CTNNBL1: variants seen among roughly 807,000 people sequenced by gnomAD.
The protein encoded by CTNNBL1 is catenin beta like 1.
CTNNBL1 carries 31 observed loss-of-function variants against 72.7 expected under a neutral mutation model. The ratio of observed to expected loss-of-function variants is 0.43; its 90% CI spans 0.32 to 0.58. CTNNBL1 has a LOEUF of 0.58. CTNNBL1 is among the 20% of genes least tolerant of loss of function. The pLI, the probability that CTNNBL1 is intolerant of heterozygous loss-of-function variation, is 0.08. For missense variants in CTNNBL1, 534 were observed against 725.1 expected (o/e 0.74, Z 3.03); for synonymous variants, 240 against 267.3 (o/e 0.90, Z 1.00).
chr20:37,839,392 G>A (rs17724914), intron 11 of CTNNBL1, among the ~76,000 whole-genome samples: 124,492 of 152,206 alleles, frequency 0.82, 50,958 homozygotes, highest in Middle Eastern at 0.89. Flanking sequence ...GCTTTTCAAG[G>A]TCATTATTCT....
chr20:37,756,701 G>A (rs945219659), intron 4 of CTNNBL1, among the ~76,000 whole-genome samples: 3 of 137,074 alleles, frequency 2.2e-5, no homozygotes, highest in Admixed American at 7.8e-5. Flanking sequence ...GCAGTGACAC[G>A]ATCATAGCTC....
At chr20:37,718,324 C>T (rs2073008569) in intron 1 of CTNNBL1, among the ~76,000 whole-genome samples, 4 of 131,866 alleles carry the variant, frequency 3.0e-5, no homozygotes, top group African/African-American at 9.6e-5. Context: ...GGCGGCTGGC[C>T]GGGCAGGGGG....
intron 13 of CTNNBL1, among the ~76,000 whole-genome samples, chr20:37,845,698 G>A (rs1040673225): frequency 1.3e-5 from 2 of 152,154 alleles, no homozygotes; most frequent in African/African-American, 2.4e-5. Context: ...TCTCTCTGAG[G>A]TTGCAGACAG....
chr20:37,770,259 G>A (rs534433142), intron 7 of CTNNBL1, among the ~76,000 whole-genome samples: 195 of 152,102 alleles, frequency 1.3e-3, no homozygotes, highest in African/African-American at 4.4e-3. Context: ...TCTAAACTCC[G>A]TTTCTTCTTT....
intron 4 of CTNNBL1, among the ~76,000 whole-genome samples, chr20:37,749,152 T>G (rs1007075075): frequency 2.6e-5 from 4 of 152,210 alleles, no homozygotes; most frequent in African/African-American, 9.6e-5. Context: ...AGTCCGGTGT[T>G]CCTCCAGTGC....
At chr20:37,817,380 T>C (rs1356265999) in intron 11 of CTNNBL1, among the ~76,000 whole-genome samples, 2 of 152,246 alleles carry the variant, frequency 1.3e-5, no homozygotes, top group East Asian at 3.8e-4. Context: ...AAAATAACTT[T>C]ATTCTTCAAT....
chr20:37,776,507 T>G (rs1401189891), intron 7 of CTNNBL1, among the ~76,000 whole-genome samples: 1 of 152,222 alleles, frequency 6.6e-6, no homozygotes, highest in African/African-American at 2.4e-5. Flanking sequence ...TAATAATCAT[T>G]GTTTACATGC....
chr20:37,715,098 A>T (rs1217515196), intron 1 of CTNNBL1, among the ~76,000 whole-genome samples: 1 of 152,248 alleles, frequency 6.6e-6, no homozygotes, highest in Non-Finnish European at 1.5e-5. Flanking sequence ...AGAGCCGCTA[A>T]CAGTTCACTT....
intron 4 of CTNNBL1, among the ~76,000 whole-genome samples, chr20:37,754,678 CT>C (rs2122641098): frequency 6.6e-6 from 1 of 152,148 alleles, no homozygotes; most frequent in Non-Finnish European, 1.5e-5. Flanking sequence ...TAGAATTAAC[CT>C]GAATGTAGCC....
chr20:37,750,644 A>G (rs1186463642), intron 4 of CTNNBL1: 1 of 152,196 alleles, frequency 6.6e-6, no homozygotes, highest in East Asian at 1.9e-4. Flanking sequence ...AAAACAAACC[A>G]CAACAACGAT....
At position 37,768,029 on chromosome 20, in the gene CTNNBL1, G is replaced by A. The variant is rs767727962; in HGVS notation, c.735G>A (p.Leu245=). 8 of 1,613,998 alleles carry A rather than the reference G, an allele frequency of 5.0e-6. No homozygotes were observed. The highest frequency in any genetic ancestry group is 6.8e-6 in the Non-Finnish European group (8 of 1,179,942). ...EGAQQGLLQW[L]LKRLKAKMPF... The stretch of plus-strand genomic sequence containing the variant: ...CCCAGCAGGGTCTTCTACAGTGGCT[G>A]TTGAAGAGGCTGAAGGTGAGTTTGG... The change falls in exon 7 of 16, where the codon CTG becomes CTA. Residue 245 remains leucine, a synonymous_variant. Transcript: ENST00000361383.
At chr20:37,719,012 T>C (rs1188000718) in intron 1 of CTNNBL1, among the ~76,000 whole-genome samples, 1 of 152,248 alleles carries the variant, frequency 6.6e-6, no homozygotes, top group Non-Finnish European at 1.5e-5. Flanking sequence ...ATCTGTAAAT[T>C]ACAGGGTTAG....
At chr20:37,746,196 CA>C (rs2073260877) in intron 3 of CTNNBL1, among the ~76,000 whole-genome samples, 1 of 152,148 alleles carries the variant, frequency 6.6e-6, no homozygotes, top group Admixed American at 6.5e-5. Context: ...TTTAGTGCTA[CA>C]AAATGCTTCG....
chr20:37,793,146 T>A (rs1396939961), intron 10 of CTNNBL1, among the ~76,000 whole-genome samples: 1 of 152,252 alleles, frequency 6.6e-6, no homozygotes, highest in African/African-American at 2.4e-5. Context: ...ATAGGTTAAG[T>A]TGCTGATCAT....
rs11468896 is a variant in CTNNBL1 at position 37,756,400 on chromosome 20, TTC to T, written c.467-1138_467-1137del. On this transcript the variant is annotated intron_variant, in intron 4 of 15. Transcript: ENST00000361383. ...CAGTTTGCTGGAGCAAGGTGTCTGT[TTC>T]TCTCTCTCTCTCTCTCTCTCCCCCG... The T allele has an allele frequency of 2.1e-3, 308 of 148,394 alleles. 4 individuals are homozygous for T. Among genetic ancestry groups the T allele is most frequent in the African/African-American group, 6.3e-3 (255 of 40,472 alleles). The allele number at this position is 148,394 out of a possible 1,614,324, so 9.2% of individuals were successfully genotyped here. A position where few individuals can be genotyped will look rare whatever the true frequency, so the allele number is the denominator to read the frequency against.
chr20:37,860,093 T>C, intron 14 of CTNNBL1, 57 bp downstream of exon 14: 1 of 1,538,906 alleles, frequency 6.5e-7, no homozygotes, highest in Non-Finnish European at 8.7e-7. Flanking sequence ...CCTCGCCAGC[T>C]GCTTAGGTGG....
intron 13 of CTNNBL1, among the ~76,000 whole-genome samples, chr20:37,845,123 G>C (rs2072336455): frequency 2.0e-5 from 3 of 152,146 alleles, no homozygotes; most frequent in Non-Finnish European, 4.4e-5. Context: ...AGCCTTTTTA[G>C]TAAGCAGTCC....
chr20:37,830,152 T>G (rs1260979490), intron 11 of CTNNBL1, among the ~76,000 whole-genome samples: 2 of 152,028 alleles, frequency 1.3e-5, no homozygotes, highest in African/African-American at 4.8e-5. Context: ...TTTTAACAGC[T>G]TTATTGAGAC....
chr20:37,713,181 C>T (rs1335754914), intron 1 of CTNNBL1, among the ~76,000 whole-genome samples: 1 of 152,182 alleles, frequency 6.6e-6, no homozygotes, highest in Non-Finnish European at 1.5e-5. Flanking sequence ...ACAGAAGGCT[C>T]AGTGGGGGAA....
Sources: gnomAD v4.1 joint callset for allele counts (sites outside exome capture counted in the v4.1 genomes callset) on GRCh38, gnomAD v4.1.1 for gene constraint, MANE v1.5 for transcripts, NCBI Gene and HGNC (gene_info 2026-07-23, HGNC 2026-07-21) for gene names.